Variants in BACE2 observed in about 807,000 individuals in gnomAD.
BACE2 encodes the protein beta-secretase 2, also known as 56 kDa aspartic-like protease.
BACE2 carries 17 observed loss-of-function variants against 46.2 expected under a neutral mutation model. That is an observed-to-expected ratio of 0.37 (90% confidence interval 0.25 to 0.55). The LOEUF (loss-of-function observed/expected upper bound fraction) is 0.55, where lower values mean the gene tolerates loss of function less well. BACE2 is among the 20% of genes least tolerant of loss of function. BACE2 has a pLI of 0.82. For missense variants in BACE2, 595 were observed against 698.1 expected (o/e 0.85, Z 1.66); for synonymous variants, 277 against 295.9 (o/e 0.94, Z 0.66).
chr21:41,239,876 T>C (rs1359413496), intron 3 of BACE2, among the ~76,000 whole-genome samples: 1 of 152,278 alleles, frequency 6.6e-6, no homozygotes, highest in Non-Finnish European at 1.5e-5. Flanking sequence ...TGTATGTGAC[T>C]GGAAATGAAA....
In BACE2 at chr21:41,279,397, A is replaced by G. The variant is rs2088522531; in HGVS notation, c.*3773A>G. ...GATCACCTGAGGTCAGGAGTTTGAGACCAGCCTGGACAACATGGTGAAACC... is the reference window on the plus strand; with the variant it reads ...GATCACCTGAGGTCAGGAGTTTGAGGCCAGCCTGGACAACATGGTGAAACC... On this transcript the variant is annotated 3_prime_UTR_variant, in exon 9 of 9. Transcript: ENST00000330333. 6.6e-6 allele frequency: 1 copy of G among 152,122 alleles called. No individual in the cohort carries two copies. Among genetic ancestry groups the G allele is most frequent in the African/African-American group, 2.4e-5 (1 of 41,418 alleles). 9.4% of individuals were successfully genotyped at this position (152,122 alleles called of 1,614,324 possible).
chr21:41,209,491 T>G (rs182739247), intron 1 of BACE2, among the ~76,000 whole-genome samples: 3 of 152,320 alleles, frequency 2.0e-5, no homozygotes, highest in African/African-American at 7.2e-5. Flanking sequence ...TGGTGGATAA[T>G]TTGATGCGTG....
rs1337698815 is a variant in BACE2 at position 41,199,117 on chromosome 21, C to T, written c.313-27149C>T. ...CTTCCCACCTATGAGTGAGAACGTG[C>T]GGTGTTTGGTTTTCTGTCCTTGCGA... is the stretch of plus-strand genomic sequence containing the variant. On this transcript the variant is annotated intron_variant, in intron 1 of 8. Coordinates refer to ENST00000330333, the MANE Select transcript of BACE2 (RefSeq NM_012105.5). 2.0e-5 allele frequency among the ~76,000 whole-genome samples: 3 copies of T among 146,886 alleles called. No homozygotes were observed. The East Asian group carries it at 6.1e-4, about 30-fold the overall frequency.
At chr21:41,226,847 GGTTGGTTTGC>G (rs1479468972) in intron 2 of BACE2, among the ~76,000 whole-genome samples, 2 of 152,226 alleles carry the variant, frequency 1.3e-5, no homozygotes, top group Non-Finnish European at 2.9e-5. Flanking sequence ...CATTTCTGTG[GGTTGGTTTGC>G]AACACTCATT....
At chr21:41,179,279 G>A (rs1220007992) in intron 1 of BACE2, 1 of 1,297,554 alleles carries the variant, frequency 7.7e-7, no homozygotes, top group African/African-American at 1.6e-5. Flanking sequence ...AGGAGTGAGG[G>A]AGTCCAGGGT....
chr21:41,169,370 T>C (rs1299732159), intron 1 of BACE2, among the ~76,000 whole-genome samples: 3 of 151,884 alleles, frequency 2.0e-5, no homozygotes, highest in Admixed American at 1.3e-4. Flanking sequence ...ATCAAACAGC[T>C]TTCCTTTTCT....
chr21:41,258,365 G>C (rs1225372634), intron 8 of BACE2, among the ~76,000 whole-genome samples: 1 of 152,200 alleles, frequency 6.6e-6, no homozygotes, highest in South Asian at 2.1e-4. Context: ...GATATGAGAC[G>C]CTGTTGGAGG....
intron 2 of BACE2, among the ~76,000 whole-genome samples, chr21:41,233,013 C>T (rs1023772746): frequency 9.9e-5 from 15 of 151,896 alleles, no homozygotes; most frequent in Non-Finnish European, 2.1e-4. Flanking sequence ...GGACTACAGG[C>T]GCCCGCCACC....
chr21:41,254,254 C>A (rs1024549695), intron 7 of BACE2, among the ~76,000 whole-genome samples: 4 of 152,234 alleles, frequency 2.6e-5, no homozygotes, highest in African/African-American at 9.6e-5. Context: ...TGGCAGCCCA[C>A]AGGGGAGCTC....
intron 1 of BACE2, among the ~76,000 whole-genome samples, chr21:41,222,509 T>C: frequency 6.6e-6 from 1 of 152,328 alleles, no homozygotes; most frequent in East Asian, 1.9e-4. Flanking sequence ...TGTCTGGGGC[T>C]TTCACGGAGT....
At chr21:41,204,271 C>T (rs1986056654) in intron 1 of BACE2, among the ~76,000 whole-genome samples, 1 of 152,144 alleles carries the variant, frequency 6.6e-6, no homozygotes. Context: ...GAACTCCTGA[C>T]CTCAGGTGAT....
Position 41,281,661 on chromosome 21 carries a change from A to G in BACE2, c.*6037A>G, listed in dbSNP as rs1172540512. On this transcript the variant is annotated 3_prime_UTR_variant, in exon 9 of 9. Coordinates refer to ENST00000330333, the MANE Select transcript of BACE2 (RefSeq NM_012105.5). ...TTCCTGAATGAAATGTTAAGAAAACATTAAAAGATTATCTCTTTTTAAGAT... is the reference window on the plus strand; with the variant it reads ...TTCCTGAATGAAATGTTAAGAAAACGTTAAAAGATTATCTCTTTTTAAGAT... 6.6e-6 allele frequency: 1 copy of G among 152,258 alleles called. No individual in the cohort carries two copies. The highest frequency in any genetic ancestry group is 1.9e-4 in the East Asian group (1 of 5,200). 9.4% of individuals were successfully genotyped at this position (152,258 alleles called of 1,614,324 possible).
intron 1 of BACE2, among the ~76,000 whole-genome samples, chr21:41,191,735 A>G (rs1303348856): frequency 6.6e-6 from 1 of 152,162 alleles, no homozygotes; most frequent in Non-Finnish European, 1.5e-5. Context: ...CACTTTGTTC[A>G]TGGACCCACT....
chr21:41,179,644 G>T, intron 1 of BACE2: 1 of 1,363,680 alleles, frequency 7.3e-7, no homozygotes, highest in Non-Finnish European at 9.8e-7. Context: ...TTAAAATTGT[G>T]CTCTGAGGTT....
intron 1 of BACE2, among the ~76,000 whole-genome samples, chr21:41,212,501 A>AG (rs925985880): frequency 6.6e-6 from 1 of 152,164 alleles, no homozygotes; most frequent in African/African-American, 2.4e-5. Flanking sequence ...AGACACTGGT[A>AG]GGGGGCAGGA....
At chr21:41,242,653 A>G (rs528454279) in intron 4 of BACE2, among the ~76,000 whole-genome samples, 2 of 152,304 alleles carry the variant, frequency 1.3e-5, no homozygotes, top group East Asian at 1.9e-4. Context: ...ATTTTGCACA[A>G]TGAAGCTTTG....
At chr21:41,221,019 A>AC (rs1410939137) in intron 1 of BACE2, among the ~76,000 whole-genome samples, 1 of 145,686 alleles carries the variant, frequency 6.9e-6, no homozygotes, top group African/African-American at 2.6e-5. Flanking sequence ...ACACAGTGAG[A>AC]CCCCATCTCA....
chr21:41,213,180 A>G (rs1331553589), intron 1 of BACE2, among the ~76,000 whole-genome samples: 2 of 152,198 alleles, frequency 1.3e-5, no homozygotes, highest in Non-Finnish European at 2.9e-5. Flanking sequence ...GTCCTTAAGG[A>G]ATTTACAAGC....
chr21:41,196,704 A>G (rs924462452), intron 1 of BACE2, among the ~76,000 whole-genome samples: 1 of 152,288 alleles, frequency 6.6e-6, no homozygotes, highest in East Asian at 1.9e-4. Flanking sequence ...GAATGTCTGA[A>G]TTTGTTTTGC....
Sources: gnomAD v4.1 joint callset for allele counts (sites outside exome capture counted in the v4.1 genomes callset) on GRCh38, gnomAD v4.1.1 for gene constraint, MANE v1.5 for transcripts, NCBI Gene and HGNC (gene_info 2026-07-23, HGNC 2026-07-21) for gene names.